The following GUCY2C variants were observed in gnomAD, a reference collection of about 807,000 sequenced individuals.
The protein encoded by GUCY2C is guanylyl cyclase C.
Under a neutral mutation model 131.1 loss-of-function variants are expected in GUCY2C, and 118 were observed. That is an observed-to-expected ratio of 0.90 (90% confidence interval 0.78 to 1.05). GUCY2C has a LOEUF of 1.05. Among genes scored for constraint, GUCY2C ranks in the 50% least tolerant of loss-of-function variants. The pLI, the probability that GUCY2C is intolerant of heterozygous loss-of-function variation, is 0.00. For missense variants in GUCY2C, 1,161 were observed against 1,304.4 expected, an observed-to-expected ratio of 0.89 and a Z score of 1.69; for synonymous variants, 452 against 457.8, an observed-to-expected ratio of 0.99 and a Z score of 0.16.
chr12:14,662,392 T>C (rs1340594184), intron 10 of GUCY2C, among the ~76,000 whole-genome samples: 1 of 152,038 alleles, frequency 6.6e-6, no homozygotes, highest in East Asian at 1.9e-4. Flanking sequence ...TAGAAAGATG[T>C]TGGCCGGGTG....
intron 23 of GUCY2C, 67 bp downstream of exon 23, chr12:14,620,975 T>C: frequency 7.8e-7 from 1 of 1,274,218 alleles, no homozygotes; most frequent in South Asian, 1.3e-5. Flanking sequence ...CCTTTTATCC[T>C]TTCTGATTTA....
At chr12:14,660,053 G>C (rs931868228) in intron 11 of GUCY2C, among the ~76,000 whole-genome samples, 11 of 152,352 alleles carry the variant, frequency 7.2e-5, no homozygotes, top group Middle Eastern at 6.8e-3. Context: ...CACAGTTACA[G>C]GAGCCAAGCG....
chr12:14,668,360 G>A (rs1378763752), intron 10 of GUCY2C, among the ~76,000 whole-genome samples: 2 of 152,080 alleles, frequency 1.3e-5, no homozygotes, highest in Non-Finnish European at 2.9e-5. Context: ...TAGTAGAAAC[G>A]GAGTTTCACC....
chr12:14,642,663 C>G (rs149589382), intron 17 of GUCY2C, among the ~76,000 whole-genome samples: 9 of 152,138 alleles, frequency 5.9e-5, no homozygotes, highest in Middle Eastern at 3.4e-3. Flanking sequence ...TAGGTATAAG[C>G]GAGTGCTGTT....
chr12:14,664,572 AAAC>A (rs1947931913), intron 10 of GUCY2C, among the ~76,000 whole-genome samples: 1 of 152,160 alleles, frequency 6.6e-6, no homozygotes, highest in Non-Finnish European at 1.5e-5. Flanking sequence ...CCTTTTAGAT[AAAC>A]GCAGTATCAA....
At position 14,683,058 on chromosome 12, in the gene GUCY2C, T is replaced by C. The variant is rs777915367; in HGVS notation, c.595A>G (p.Thr199Ala). The change falls in exon 4 of 27, where the codon ACT becomes GCT. Residue 199 changes from threonine to alanine, a missense_variant. Physicochemically the swap from Thr to Ala is moderately conservative, Grantham distance 58. Coordinates refer to ENST00000261170, the MANE Select transcript of GUCY2C (RefSeq NM_004963.4). ...TSYVYKNGTE[T>A]EDCFWYLNAL... ...CCTGCTTACCAGAAACAGTCCTCAG[T>C]TTCTGTACCATTCTTGTAAACATAC... is the stretch of plus-strand genomic sequence containing the variant. The C allele has an allele frequency of 2.5e-6, 4 of 1,610,806 alleles. No homozygotes were observed. The South Asian group carries it at 4.4e-5, about 18-fold the overall frequency.
intron 3 of GUCY2C, among the ~76,000 whole-genome samples, chr12:14,684,080 A>G (rs947571393): frequency 2.6e-5 from 4 of 152,000 alleles, no homozygotes; most frequent in Non-Finnish European, 5.9e-5. Context: ...TCTTTCCTAT[A>G]CACTGTGGTC....
intron 10 of GUCY2C, chr12:14,666,163 C>T (rs1256125948): frequency 6.6e-6 from 1 of 152,232 alleles, no homozygotes; most frequent in Non-Finnish European, 1.5e-5. Context: ...AGAAACTGGC[C>T]CTCTCACCCT....
chr12:14,616,480 G>C (rs1946764557), intron 25 of GUCY2C, among the ~76,000 whole-genome samples, 153 bp downstream of exon 25: 1 of 152,076 alleles, frequency 6.6e-6, no homozygotes, highest in Admixed American at 6.6e-5. Context: ...CACATTTTTT[G>C]GTGGTCATTT....
chr12:14,645,359 G>A, intron 15 of GUCY2C, 44 bp from the exon 16 acceptor site: 3 of 928,786 alleles, frequency 3.2e-6, no homozygotes, highest in Non-Finnish European at 3.5e-6. Flanking sequence ...TTGCAAGAAA[G>A]GATATTGTGG....
At chr12:14,670,995 G>A (rs1415615663) in intron 9 of GUCY2C, among the ~76,000 whole-genome samples, 2 of 151,564 alleles carry the variant, frequency 1.3e-5, no homozygotes, top group African/African-American at 2.4e-5. Flanking sequence ...GTAAGATCTC[G>A]TGATACTTAT....
At chr12:14,673,045 TTCAAA>T (rs1948150266) in intron 8 of GUCY2C, 87 bp from the exon 9 acceptor site, 2 of 762,890 alleles carry the variant, frequency 2.6e-6, no homozygotes, top group East Asian at 5.0e-5. Context: ...GTAAAATGGG[TTCAAA>T]TAGCTCTGTT....
intron 8 of GUCY2C, among the ~76,000 whole-genome samples, chr12:14,673,270 T>TA (rs2137074924): frequency 6.6e-6 from 1 of 152,284 alleles, no homozygotes; most frequent in East Asian, 1.9e-4. Context: ...TTGCTAAGAA[T>TA]ATTTCCTGAA....
Position 14,682,919 on chromosome 12 carries a change from C to T in GUCY2C, c.611+123G>A, listed in dbSNP as rs182810167. 3.0e-4 allele frequency: 193 copies of T among 636,354 alleles called. 3 individuals carry two copies. The East Asian group carries it at 5.1e-3, about 17-fold the overall frequency. 39.4% of individuals were successfully genotyped at this position (636,354 alleles called of 1,614,324 possible). ...TTTTATTTATGTGTGAGAAAATGAA[C>T]TGATGTCTATACCCAATGCTGTTAC... On this transcript the variant is annotated intron_variant, in intron 4 of 26. Coordinates refer to ENST00000261170, the MANE Select transcript of GUCY2C (RefSeq NM_004963.4).
intron 16 of GUCY2C, among the ~76,000 whole-genome samples, chr12:14,644,413 GCTT>G (rs538014659): frequency 2.7e-3 from 418 of 152,264 alleles, no homozygotes; most frequent in Middle Eastern, 0.014. Context: ...TGGCTGATGT[GCTT>G]CTCTCTTGTG....
chr12:14,649,532 A>G (rs2137034882), intron 15 of GUCY2C, among the ~76,000 whole-genome samples: 2 of 152,322 alleles, frequency 1.3e-5, no homozygotes, highest in South Asian at 2.1e-4. Flanking sequence ...CTAAAATACT[A>G]GAAATGCTAA....
At chr12:14,684,212 C>T (rs1037802580) in intron 3 of GUCY2C, among the ~76,000 whole-genome samples, 3 of 152,158 alleles carry the variant, frequency 2.0e-5, no homozygotes, top group African/African-American at 7.2e-5. Flanking sequence ...CCATGAACTT[C>T]CAAATATGGT....
intron 10 of GUCY2C, among the ~76,000 whole-genome samples, chr12:14,666,305 G>A (rs1397853627): frequency 6.6e-6 from 1 of 152,240 alleles, no homozygotes; most frequent in Non-Finnish European, 1.5e-5. Context: ...TCGCTATATT[G>A]GGTGGACCTG....
chr12:14,686,288 G>T, intron 2 of GUCY2C, 63 bp from the exon 3 acceptor site: 1 of 1,188,984 alleles, frequency 8.4e-7, no homozygotes, highest in African/African-American at 1.5e-5. Flanking sequence ...GGACAGGAAA[G>T]AAGTAGCAAG....
Sources: gnomAD v4.1 joint callset for allele counts (sites outside exome capture counted in the v4.1 genomes callset) on GRCh38, gnomAD v4.1.1 for gene constraint, MANE v1.5 for transcripts, NCBI Gene and HGNC (gene_info 2026-07-23, HGNC 2026-07-21) for gene names.